WWOX: variants seen among roughly 807,000 people sequenced by gnomAD.
The protein encoded by WWOX is WW domain-containing oxidoreductase.
WWOX carries 69 observed loss-of-function variants against 46.2 expected under a neutral mutation model. The ratio of observed to expected loss-of-function variants is 1.49; its 90% CI spans 1.23 to 1.82. The LOEUF (loss-of-function observed/expected upper bound fraction) is 1.82, where lower values mean the gene tolerates loss of function less well. WWOX is among the 40% of genes most tolerant of loss of function. The pLI, the probability that WWOX is intolerant of heterozygous loss-of-function variation, is 0.00. For synonymous variants in WWOX, 359 were observed against 202.6 expected (o/e 1.77, Z -6.56); for missense variants, 919 against 542.6 (o/e 1.69, Z -6.89).
At chr16:78,422,278 T>C (rs1477804633) in intron 6 of WWOX, among the ~76,000 whole-genome samples, 3 of 152,120 alleles carry the variant, frequency 2.0e-5, no homozygotes, top group African/African-American at 7.2e-5. Flanking sequence ...TCTATAAAGA[T>C]TTTTATGTTT....
Position 78,812,797 on chromosome 16 carries a change from A to G in WWOX, c.1056+380045A>G, listed in dbSNP as rs565001896. Among the ~76,000 whole-genome samples, 4 of 152,282 alleles carry G rather than the reference A, an allele frequency of 2.6e-5. No homozygotes were observed. In the East Asian group the frequency reaches 7.7e-4, roughly 29 times the overall value. On this transcript the variant is annotated intron_variant, in intron 8 of 8. Transcript: ENST00000566780. ...GAATCAGCACTAATTTACAAGCCCC[A>G]TAAACTAAAGACCCCATGTTTGTGT...
chr16:78,257,683 T>TA (rs3214489), intron 5 of WWOX, among the ~76,000 whole-genome samples: 45,608 of 151,616 alleles, frequency 0.3, 7,149 homozygotes, highest in East Asian at 0.44. Context: ...TTGGGAGGCT[T>TA]AAAAAAAAGA....
At chr16:78,102,089 T>A (rs983403897) in intron 1 of WWOX, among the ~76,000 whole-genome samples, 5 of 152,096 alleles carry the variant, frequency 3.3e-5, no homozygotes, top group African/African-American at 9.7e-5. Flanking sequence ...CCCAGCTAAT[T>A]ATTACATGTT....
intron 8 of WWOX, among the ~76,000 whole-genome samples, chr16:78,450,013 T>C (rs1489177289): frequency 6.6e-6 from 1 of 151,420 alleles, no homozygotes; most frequent in Non-Finnish European, 1.5e-5. Flanking sequence ...TTATGATTTT[T>C]TTTAAGCAGG....
chr16:78,796,078 C>T (rs2737297), intron 8 of WWOX, among the ~76,000 whole-genome samples: 47,208 of 152,054 alleles, frequency 0.31, 8,597 homozygotes, highest in Middle Eastern at 0.45. Flanking sequence ...TTTAGACTGG[C>T]TAAGAGAATG....
intron 8 of WWOX, among the ~76,000 whole-genome samples, chr16:79,162,742 A>C (rs571241498): frequency 9.1e-4 from 139 of 152,276 alleles, no homozygotes; most frequent in African/African-American, 3.2e-3. Context: ...TTGAGACAAA[A>C]GGGCATCCTG....
At position 78,923,869 on chromosome 16, in the gene WWOX, G is replaced by A. The variant is rs377321432; in HGVS notation, c.1057-287739G>A. ...GGCTGGAGTGCAGTGGCGCGATCTC[G>A]GTTCACTGCAACCTCCGCCTCCTGG... On this transcript the variant is annotated intron_variant, in intron 8 of 8. Coordinates refer to ENST00000566780, the MANE Select transcript of WWOX (RefSeq NM_016373.4). Among the ~76,000 whole-genome samples, 32 of 141,210 alleles carry A rather than the reference G, an allele frequency of 2.3e-4. No individual in the cohort carries two copies. In the South Asian group the frequency reaches 7.0e-3, roughly 31 times the overall value. The allele number at this position is 141,210 out of a possible 152,430, so 92.6% of individuals were successfully genotyped here. A position where few individuals can be genotyped will look rare whatever the true frequency, so the allele number is the denominator to read the frequency against.
At chr16:78,248,738 AAAAT>A (rs199818512) in intron 5 of WWOX, among the ~76,000 whole-genome samples, 5,537 of 152,148 alleles carry the variant, frequency 0.036, 103 homozygotes, top group Middle Eastern at 0.092. Flanking sequence ...CCCATTTCAA[AAAAT>A]AAATAAATAA....
chr16:78,893,496 G>C (rs2044635681), intron 8 of WWOX, among the ~76,000 whole-genome samples: 1 of 152,164 alleles, frequency 6.6e-6, no homozygotes, highest in South Asian at 2.1e-4. Flanking sequence ...GCCTGAAATA[G>C]AGAAGGGTGA....
intron 8 of WWOX, among the ~76,000 whole-genome samples, chr16:78,808,669 C>T (rs2051105850): frequency 6.6e-6 from 1 of 152,164 alleles, no homozygotes; most frequent in African/African-American, 2.4e-5. Flanking sequence ...TTTCCTGCAT[C>T]AGCTAAGCAT....
intron 8 of WWOX, among the ~76,000 whole-genome samples, chr16:79,074,618 A>G (rs1410467444): frequency 1.3e-5 from 2 of 151,782 alleles, no homozygotes; most frequent in African/African-American, 4.8e-5. Context: ...TAGGAATACT[A>G]AGAACCTAAG....
At chr16:78,907,687 A>G (rs2045001828) in intron 8 of WWOX, among the ~76,000 whole-genome samples, 1 of 152,252 alleles carries the variant, frequency 6.6e-6, no homozygotes, top group Non-Finnish European at 1.5e-5. Context: ...AATAACTGCT[A>G]TTTAGCAAAG....
At chr16:78,763,112 T>C (rs2049833684) in intron 8 of WWOX, among the ~76,000 whole-genome samples, 1 of 152,190 alleles carries the variant, frequency 6.6e-6, no homozygotes, top group African/African-American at 2.4e-5. Flanking sequence ...AAAGCACTAT[T>C]GTAGGCTGTG....
At chr16:78,259,134 G>A (rs1433540777) in intron 5 of WWOX, among the ~76,000 whole-genome samples, 1 of 152,172 alleles carries the variant, frequency 6.6e-6, no homozygotes, top group African/African-American at 2.4e-5. Context: ...AAAACTGTCT[G>A]TTCATATAGT....
intron 5 of WWOX, among the ~76,000 whole-genome samples, chr16:78,369,824 A>C (rs1179966555): frequency 6.6e-6 from 1 of 152,124 alleles, no homozygotes; most frequent in African/African-American, 2.4e-5. Flanking sequence ...TGATAGAGGC[A>C]GCACAGTGCT....
At chr16:78,675,582 G>A (rs1301169916) in intron 8 of WWOX, among the ~76,000 whole-genome samples, 1 of 152,178 alleles carries the variant, frequency 6.6e-6, no homozygotes, top group African/African-American at 2.4e-5. Flanking sequence ...GCTCCACAGA[G>A]CAGTGAAAAG....
At chr16:79,037,454 T>C in intron 8 of WWOX, among the ~76,000 whole-genome samples, 1 of 152,142 alleles carries the variant, frequency 6.6e-6, no homozygotes, top group East Asian at 1.9e-4. Flanking sequence ...GTTCGTTACA[T>C]CAAGTTGTGG....
chr16:79,068,921 G>A lies in WWOX; in HGVS notation c.1057-142687G>A, dbSNP rs967897017. Among the ~76,000 whole-genome samples, 3 of 152,080 alleles carry A rather than the reference G, an allele frequency of 2.0e-5. 1 individual carries two copies. The highest frequency in any genetic ancestry group is 1.3e-4 in the Admixed American group (2 of 15,272). ...CCGAAAGTGGTTCCTTGGGTCTGAT[G>A]CCCACGCTTAACCGATTCCCAGCCA... On this transcript the variant is annotated intron_variant, in intron 8 of 8. Transcript: ENST00000566780.
At chr16:78,771,549 A>G (rs148288716) in intron 8 of WWOX, among the ~76,000 whole-genome samples, 1 of 152,130 alleles carries the variant, frequency 6.6e-6, no homozygotes, top group Non-Finnish European at 1.5e-5. Context: ...AGATGGGCGG[A>G]TCACTTGAGG....
Sources: gnomAD v4.1 joint callset for allele counts (sites outside exome capture counted in the v4.1 genomes callset) on GRCh38, gnomAD v4.1.1 for gene constraint, MANE v1.5 for transcripts, NCBI Gene and HGNC (gene_info 2026-07-23, HGNC 2026-07-21) for gene names.